IMPG1: variants seen among roughly 807,000 people sequenced by gnomAD.
The protein encoded by IMPG1 is interphotoreceptor matrix proteoglycan of 150 kDa.
Under a neutral mutation model 92.0 loss-of-function variants are expected in IMPG1, and 85 were observed. That is an observed-to-expected ratio of 0.92 (90% CI 0.78 to 1.11). The LOEUF (loss-of-function observed/expected upper bound fraction) is 1.11. IMPG1 is among the 50% of genes least tolerant of loss of function. IMPG1 has a pLI of 0.00. For synonymous variants in IMPG1, 367 were observed against 334.1 expected (o/e 1.10, Z -1.08); for missense variants, 1,022 against 956.0 (o/e 1.07, Z -0.91).
Position 75,950,951 on chromosome 6 carries a change from G to A in IMPG1, c.1435C>T (p.Leu479Phe), listed in dbSNP as rs775567895. Residue 479 changes from leucine (L) to phenylalanine (F), a missense_variant, in exon 13 of 17, where the codon CTC (leucine) becomes TTC (phenylalanine). Transcript: ENST00000369950. ...GAATAATCACTGGTGGGGATGGTGA[G>A]CCCTGGTACTAGCATTGTCTGGTCA... Reference protein sequence around the residue: ...ATDQTMLVPGLTIPTSDYSAI... With the variant: ...ATDQTMLVPGFTIPTSDYSAI... The A allele has an allele frequency of 1.2e-6, 2 of 1,613,982 alleles. No homozygotes were observed. Among genetic ancestry groups the A allele is most frequent in the Admixed American group, 1.7e-5 (1 of 59,972 alleles).
chr6:75,929,618 G>A (rs1453112917), intron 15 of IMPG1, among the ~76,000 whole-genome samples: 1 of 150,622 alleles, frequency 6.6e-6, no homozygotes, highest in Non-Finnish European at 1.5e-5. Flanking sequence ...GTTAATGGGT[G>A]CAGCACACCA....
chr6:75,972,395 C>A (rs559778722), intron 12 of IMPG1, among the ~76,000 whole-genome samples: 27 of 151,222 alleles, frequency 1.8e-4, no homozygotes, highest in Admixed American at 5.3e-4. Flanking sequence ...CGCCCACCCA[C>A]CCATAACCCA....
intron 6 of IMPG1, among the ~76,000 whole-genome samples, chr6:76,020,383 C>A (rs1188953754): frequency 6.6e-6 from 1 of 152,130 alleles, no homozygotes; most frequent in Non-Finnish European, 1.5e-5. Context: ...TTTATTCATG[C>A]CAGCAGTTCA....
At chr6:75,939,567 A>C (rs978440379) in intron 14 of IMPG1, among the ~76,000 whole-genome samples, 14 of 152,208 alleles carry the variant, frequency 9.2e-5, no homozygotes, top group African/African-American at 2.9e-4. Context: ...TCCATGGTGT[A>C]TATGTGCCAC....
At chr6:75,963,040 C>T (rs895570908) in intron 12 of IMPG1, among the ~76,000 whole-genome samples, 7 of 144,214 alleles carry the variant, frequency 4.9e-5, no homozygotes, top group South Asian at 2.2e-4. Flanking sequence ...CTCTCTGTCT[C>T]CAGGAAAAAA....
rs531501127 is a variant in IMPG1, at chr6:76,035,740, C to G, written c.302-953G>C. 3.9e-4 allele frequency among the ~76,000 whole-genome samples: 60 copies of G among 152,250 alleles called. 1 individual carries two copies. In the South Asian group the frequency reaches 0.012, roughly 31 times the overall value. On this transcript the variant is annotated intron_variant, in intron 2 of 16. Coordinates refer to ENST00000369950, the MANE Select transcript of IMPG1 (RefSeq NM_001563.4). ...GACACACCTCTTTGTTAGTACTTCC[C>G]TTTTGATCACAATCCTTTCCCCATT... is the stretch of plus-strand genomic sequence containing the variant.
chr6:76,014,400 GC>G (rs2149480847), intron 7 of IMPG1, among the ~76,000 whole-genome samples: 1 of 152,288 alleles, frequency 6.6e-6, no homozygotes, highest in African/African-American at 2.4e-5. Context: ...GGCCTGGGGA[GC>G]GAGTTTCTGT....
At chr6:75,998,177 C>T (rs937765540) in intron 12 of IMPG1, among the ~76,000 whole-genome samples, 2 of 152,150 alleles carry the variant, frequency 1.3e-5, no homozygotes, top group Middle Eastern at 3.2e-3. Flanking sequence ...AAGCTTTTTA[C>T]TAGACAGATT....
intron 1 of IMPG1, among the ~76,000 whole-genome samples, chr6:76,063,569 C>G (rs538694385): frequency 6.6e-6 from 1 of 152,292 alleles, no homozygotes; most frequent in African/African-American, 2.4e-5. Context: ...GGGCATTGCA[C>G]TAGTATACCA....
chr6:76,027,836 T>C (rs1197192161), intron 4 of IMPG1, among the ~76,000 whole-genome samples: 1 of 152,358 alleles, frequency 6.6e-6, no homozygotes, highest in East Asian at 1.9e-4. Context: ...ATAAATAATT[T>C]ATGGCTATCT....
At chr6:75,961,578 AG>A (rs1363012821) in intron 12 of IMPG1, among the ~76,000 whole-genome samples, 1 of 152,234 alleles carries the variant, frequency 6.6e-6, no homozygotes, top group Admixed American at 6.5e-5. Context: ...ATGGTACGCC[AG>A]GTGGTGATAA....
rs1783177159 is a variant in IMPG1, at chr6:76,011,159, T to C, written c.866+7A>G. 1 of 1,425,576 alleles carries C rather than the reference T, an allele frequency of 7.0e-7. No homozygotes were observed. The highest frequency in any genetic ancestry group is 9.9e-7 in the Non-Finnish European group (1 of 1,012,958). 88.3% of individuals were successfully genotyped at this position (1,425,576 alleles called of 1,614,324 possible). A position where few individuals can be genotyped will look rare whatever the true frequency, so the allele number is the denominator to read the frequency against. ...AAAATTGAGAAGAGTTTGATTCTCT[T>C]ACTTACCTAAATCCTAACACATGGA... On this transcript the variant is annotated splice_region_variant and intron_variant, in intron 8 of 16. Transcript: ENST00000369950.
intron 4 of IMPG1, among the ~76,000 whole-genome samples, chr6:76,026,116 C>G (rs116778342): frequency 6.6e-6 from 1 of 152,088 alleles, no homozygotes; most frequent in Non-Finnish European, 1.5e-5. Context: ...GGACTCTGTG[C>G]GGGAAGCACT....
At chr6:76,072,321 G>A in intron 1 of IMPG1, 101 bp downstream of exon 1, 1 of 636,892 alleles carries the variant, frequency 1.6e-6, no homozygotes, top group Non-Finnish European at 2.8e-6. Flanking sequence ...CTATATACTA[G>A]CCCGTGAGAT....
At chr6:76,027,911 C>T (rs984722399) in intron 4 of IMPG1, among the ~76,000 whole-genome samples, 78 of 152,162 alleles carry the variant, frequency 5.1e-4, no homozygotes, top group African/African-American at 1.9e-3. Context: ...AATCAAACTT[C>T]AGTTTCAAAA....
chr6:76,029,085 A>T (rs1783607854), intron 4 of IMPG1, among the ~76,000 whole-genome samples: 1 of 152,236 alleles, frequency 6.6e-6, no homozygotes, highest in Non-Finnish European at 1.5e-5. Context: ...AGAACTAATA[A>T]AACTCAGTGG....
chr6:75,976,869 G>T (rs1051317457), intron 12 of IMPG1, among the ~76,000 whole-genome samples: 20 of 151,148 alleles, frequency 1.3e-4, no homozygotes, highest in Admixed American at 1.3e-3. Flanking sequence ...CTGAGATTGT[G>T]CCACTGCACT....
chr6:76,022,066 GA>G (rs761353146), intron 6 of IMPG1, 49 bp downstream of exon 6: 10 of 1,019,568 alleles, frequency 9.8e-6, no homozygotes, highest in Non-Finnish European at 1.5e-5. Flanking sequence ...TTTTGCTAAA[GA>G]ACAAAAACAG....
At chr6:75,935,977 G>A (rs1477582024) in intron 14 of IMPG1, among the ~76,000 whole-genome samples, 2 of 152,168 alleles carry the variant, frequency 1.3e-5, no homozygotes, top group Admixed American at 6.5e-5. Flanking sequence ...TCCCTGTACT[G>A]AGGGTTCATC....
Sources: allele counts gnomAD v4.1 joint callset (sites outside exome capture counted in the v4.1 genomes callset), GRCh38; gene constraint gnomAD v4.1.1; transcripts MANE v1.5; gene names NCBI Gene and HGNC (gene_info 2026-07-23, HGNC 2026-07-21).